The following TTC39B variants were observed in gnomAD, a reference collection of about 807,000 sequenced individuals.
TTC39B encodes tetratricopeptide repeat domain 39B, also known as tetratricopeptide repeat protein 39B.
In TTC39B, 92 loss-of-function variants were observed where a neutral mutation model predicts 96.6. That is an observed-to-expected ratio of 0.95 (90% CI 0.80 to 1.13). The LOEUF (loss-of-function observed/expected upper bound fraction) is 1.13, where lower values mean the gene tolerates loss of function less well. TTC39B is among the 50% of genes most tolerant of loss of function. The pLI, the probability that TTC39B is intolerant of heterozygous loss-of-function variation, is 0.00. For missense variants in TTC39B, 955 were observed against 809.3 expected, an observed-to-expected ratio of 1.18 and a Z score of -2.18; for synonymous variants, 367 against 299.4, an observed-to-expected ratio of 1.23 and a Z score of -2.33.
intron 16 of TTC39B, chr9:15,183,533 C>T (rs989239956): frequency 3.0e-6 from 1 of 327,924 alleles, no homozygotes; most frequent in South Asian, 2.4e-5. Flanking sequence ...CTTCCATAGA[C>T]CTGGAGAAAG....
At chr9:15,204,719 G>A (rs1259737232) in intron 6 of TTC39B, among the ~76,000 whole-genome samples, 2 of 152,098 alleles carry the variant, frequency 1.3e-5, no homozygotes, top group Non-Finnish European at 2.9e-5. Context: ...GCACGGCCAC[G>A]TTAAGACTCC....
At chr9:15,289,915 T>C (rs1248789230) in intron 1 of TTC39B, among the ~76,000 whole-genome samples, 1 of 152,142 alleles carries the variant, frequency 6.6e-6, no homozygotes, top group Non-Finnish European at 1.5e-5. Flanking sequence ...GCAGGAGTAA[T>C]TCATACAGCC....
At chr9:15,307,183 T>C (rs1384015517) in exon 1 of TTC39B, 4 of 1,583,826 alleles carry the variant, frequency 2.5e-6, no homozygotes, top group Non-Finnish European at 3.4e-6. Flanking sequence ...AGCCGACTCC[T>C]GCTCTCGGCT....
rs561023604 is a variant in TTC39B, at chr9:15,241,274, T to C, written c.276-15262A>G. The stretch of plus-strand genomic sequence containing the variant: ...TTACATTTGTATCAGAAACTGGGAT[T>C]AAAATAGAGAATGCAAGGTTAAAAA... On this transcript the variant is annotated intron_variant, in intron 2 of 19. Transcript: ENST00000512701. Among the ~76,000 whole-genome samples, 10 of 151,048 alleles carry C rather than the reference T, an allele frequency of 6.6e-5. No homozygotes were observed. In the East Asian group the frequency reaches 1.9e-3, roughly 29 times the overall value.
chr9:15,178,840 T>C (rs1189945068), intron 17 of TTC39B, among the ~76,000 whole-genome samples: 1 of 152,182 alleles, frequency 6.6e-6, no homozygotes, highest in Non-Finnish European at 1.5e-5. Context: ...AACACTTCCA[T>C]ATGGAGAAGC....
At chr9:15,300,201 T>A (rs1254739880) in intron 1 of TTC39B, among the ~76,000 whole-genome samples, 2 of 152,150 alleles carry the variant, frequency 1.3e-5, no homozygotes, top group African/African-American at 4.8e-5. Context: ...GTTAGTTTCA[T>A]CTGCTTGCTG....
At chr9:15,250,151 T>TC (rs1199188941) in intron 2 of TTC39B, 1 of 1,213,136 alleles carries the variant, frequency 8.2e-7, no homozygotes, top group Admixed American at 3.3e-5. Context: ...CCCAGGGCTT[T>TC]CCAGGGCAGA....
chr9:15,190,662 C>T, exon 11 of TTC39B: 1 of 1,612,142 alleles, frequency 6.2e-7, no homozygotes, highest in African/African-American at 1.3e-5. Context: ...AGGCCCAACT[C>T]CTATGGGAAT....
chr9:15,209,773 G>A (rs1820085050), intron 6 of TTC39B, among the ~76,000 whole-genome samples: 1 of 152,044 alleles, frequency 6.6e-6, no homozygotes, highest in African/African-American at 2.4e-5. Context: ...CACATGTAAC[G>A]ATCTGGGGAA....
intron 3 of TTC39B, among the ~76,000 whole-genome samples, chr9:15,219,660 C>T (rs1476884440): frequency 2.0e-5 from 3 of 152,180 alleles, no homozygotes; most frequent in East Asian, 3.9e-4. Flanking sequence ...TAGATGAATG[C>T]TCCTGGACTT....
intron 2 of TTC39B, among the ~76,000 whole-genome samples, chr9:15,250,413 GA>G (rs375036856): frequency 6.4e-4 from 90 of 139,848 alleles, no homozygotes; most frequent in South Asian, 9.0e-4. Flanking sequence ...GGACAATTAA[GA>G]AAAAAAAAAA....
At chr9:15,275,598 G>C (rs751177065) in intron 1 of TTC39B, among the ~76,000 whole-genome samples, 3 of 152,136 alleles carry the variant, frequency 2.0e-5, no homozygotes, top group Non-Finnish European at 2.9e-5. Flanking sequence ...GGAGAAGGAG[G>C]ATACGCCCAT....
At chr9:15,305,118 C>G (rs1315248917) in intron 1 of TTC39B, among the ~76,000 whole-genome samples, 1 of 152,116 alleles carries the variant, frequency 6.6e-6, no homozygotes, top group Non-Finnish European at 1.5e-5. Context: ...CTTATGAACT[C>G]GAGGTTAGAG....
intron 1 of TTC39B, among the ~76,000 whole-genome samples, chr9:15,303,502 C>T (rs1481573631): frequency 6.6e-6 from 1 of 151,706 alleles, no homozygotes; most frequent in East Asian, 1.9e-4. Context: ...TCCAGAATAA[C>T]TTAGGACTAC....
chr9:15,182,449 T>C, intron 16 of TTC39B, 34 bp from the exon 17 acceptor site: 1 of 1,472,690 alleles, frequency 6.8e-7, no homozygotes, highest in Admixed American at 1.8e-5. Flanking sequence ...TTTGCAGTTA[T>C]ATGAGGTTAT....
intron 2 of TTC39B, among the ~76,000 whole-genome samples, chr9:15,261,391 C>A (rs1294443689): frequency 1.3e-5 from 2 of 152,110 alleles, no homozygotes; most frequent in East Asian, 3.8e-4. Context: ...GGGAGGAGCA[C>A]TTGAACCCAG....
intron 2 of TTC39B, among the ~76,000 whole-genome samples, chr9:15,239,520 G>T (rs1334342037): frequency 6.6e-6 from 1 of 152,200 alleles, no homozygotes; most frequent in East Asian, 1.9e-4. Context: ...CAACCTAGGT[G>T]TCCATCAATG....
intron 9 of TTC39B, among the ~76,000 whole-genome samples, chr9:15,191,545 C>A (rs1313990621): frequency 6.6e-6 from 1 of 152,118 alleles, no homozygotes; most frequent in Non-Finnish European, 1.5e-5. Flanking sequence ...GAAGGTAACC[C>A]CTCAAAGCCC....
At chr9:15,268,002 C>G in intron 1 of TTC39B, 54 bp from the exon 2 acceptor site, 1 of 1,544,568 alleles carries the variant, frequency 6.5e-7, no homozygotes, top group South Asian at 1.1e-5. Context: ...ATGGGTTTCT[C>G]AAGAATTCTA....
Sources: allele counts gnomAD v4.1 joint callset (sites outside exome capture counted in the v4.1 genomes callset), GRCh38; gene constraint gnomAD v4.1.1; transcripts MANE v1.5; gene names NCBI Gene and HGNC (gene_info 2026-07-23, HGNC 2026-07-21).